EML6: variants seen among roughly 807,000 people sequenced by gnomAD.
EML6 encodes the protein echinoderm microtubule-associated protein-like 6.
In EML6, 154 loss-of-function variants were observed where a neutral mutation model predicts 240.1. The ratio of observed to expected loss-of-function variants is 0.64; its 90% CI spans 0.56 to 0.73. EML6 has a LOEUF of 0.73. EML6 is among the 30% of genes least tolerant of loss of function. The pLI is 0.00. For missense variants in EML6, 2,964 were observed against 2,474.6 expected, an observed-to-expected ratio of 1.20 and a Z score of -4.20; for synonymous variants, 1,148 against 899.0, an observed-to-expected ratio of 1.28 and a Z score of -4.95.
At chr2:54,803,909 C>T (rs1226586410) in intron 2 of EML6, among the ~76,000 whole-genome samples, 1 of 152,190 alleles carries the variant, frequency 6.6e-6, no homozygotes, top group Non-Finnish European at 1.5e-5. Context: ...AGATGTTTGA[C>T]AGAACATTCT....
At position 54,960,351 on chromosome 2, in the gene EML6, C is replaced by G; in HGVS notation, c.4968+17C>G. 1 of 1,534,392 alleles carries G rather than the reference C, an allele frequency of 6.5e-7. No individual in the cohort carries two copies. Among genetic ancestry groups the G allele is most frequent in the Non-Finnish European group, 8.8e-7 (1 of 1,134,778 alleles). ...CGTGGAAAAGTGAGCACAGCCAGCTCCCCTGGGGGCTGGGCCAGGGAAGGG... is the reference window on the plus strand; with the variant it reads ...CGTGGAAAAGTGAGCACAGCCAGCTGCCCTGGGGGCTGGGCCAGGGAAGGG... On this transcript the variant is annotated intron_variant, in intron 35 of 41. Coordinates refer to ENST00000356458, the MANE Select transcript of EML6 (RefSeq NM_001039753.4).
Position 54,954,010 on chromosome 2 carries a change from A to T in EML6, c.4340A>T (p.Asp1447Val). 1.9e-6 allele frequency: 3 copies of T among 1,551,120 alleles called. No homozygotes were observed. The highest frequency in any genetic ancestry group is 2.6e-6 in the Non-Finnish European group (3 of 1,146,732). Residue 1447 changes from aspartate (D) to valine (V), a missense_variant, in exon 32 of 42, where the codon GAC (aspartate) becomes GTC (valine). Coordinates refer to ENST00000356458, the MANE Select transcript of EML6 (RefSeq NM_001039753.4). ...ACAACACCTTCCATCCACATATGGG[A>T]CGCCATGACCAAACACACCCTCTCC... ...IGTTPSIHIWDAMTKHTLSML... is the reference protein window; with the variant it reads ...IGTTPSIHIWVAMTKHTLSML...
At chr2:54,871,738 T>A in intron 16 of EML6, 133 bp downstream of exon 16, 2 of 695,252 alleles carry the variant, frequency 2.9e-6, no homozygotes, top group Non-Finnish European at 5.1e-6. Flanking sequence ...CTGTTTGTAT[T>A]GAAGTACAAG....
At chr2:54,968,528 C>T in intron 40 of EML6, 140 bp from the exon 41 acceptor site, 2 of 676,656 alleles carry the variant, frequency 3.0e-6, no homozygotes, top group South Asian at 1.9e-5. Flanking sequence ...CAAAGGCTGG[C>T]TAATAGATGA....
In EML6 at chr2:54,789,085, C is replaced by T. The variant is rs1669251995; in HGVS notation, c.198-24147C>T. Reference sequence around the variant, plus strand: ...ATCCTTTCTCTTTCATGTGTTCTGTCTCTGCTTAATTCCTTCAGCACTTTG... The same window carrying T: ...ATCCTTTCTCTTTCATGTGTTCTGTTTCTGCTTAATTCCTTCAGCACTTTG... On this transcript the variant is annotated intron_variant, in intron 2 of 41. Coordinates refer to ENST00000356458, the MANE Select transcript of EML6 (RefSeq NM_001039753.4). 2.6e-5 allele frequency among the ~76,000 whole-genome samples: 4 copies of T among 152,140 alleles called. No homozygotes were observed. The South Asian group carries it at 8.3e-4, about 32-fold the overall frequency.
At chr2:54,797,930 C>G (rs1325757412) in intron 2 of EML6, among the ~76,000 whole-genome samples, 1 of 152,032 alleles carries the variant, frequency 6.6e-6, no homozygotes, top group Non-Finnish European at 1.5e-5. Context: ...TGTGAGTCCT[C>G]TAAGTTCATT....
At chr2:54,810,877 G>C (rs1049217318) in intron 2 of EML6, among the ~76,000 whole-genome samples, 1 of 152,052 alleles carries the variant, frequency 6.6e-6, no homozygotes, top group Admixed American at 6.6e-5. Context: ...CAGTCTCCTT[G>C]GTTTCCCCAC....
chr2:54,899,358 T>A (rs988794556), intron 21 of EML6, among the ~76,000 whole-genome samples: 1 of 152,218 alleles, frequency 6.6e-6, no homozygotes, highest in Non-Finnish European at 1.5e-5. Context: ...TGTTTCTAAA[T>A]GGAAAGATGT....
rs1670993702 is a variant in EML6, at chr2:54,866,790, C to T, written c.1957C>T (p.Leu653=). ...RQVYKEDLPQ[L]KQQSKEKNHA... ...GGTTTACAAAGAAGATCTACCTCAG[C>T]TAAAGCAACAAAGTAAAGAGAAAAA... The change falls in exon 14 of 42, where the codon CTA becomes TTA. Residue 653 remains leucine (L), a synonymous_variant. Transcript: ENST00000356458. 6.4e-7 allele frequency: 1 copy of T among 1,550,718 alleles called. No individual in the cohort carries two copies. Among genetic ancestry groups the T allele is most frequent in the Non-Finnish European group, 8.7e-7 (1 of 1,146,162 alleles).
At chr2:54,930,915 T>C (rs534670373) in intron 28 of EML6, among the ~76,000 whole-genome samples, 1 of 150,766 alleles carries the variant, frequency 6.6e-6, no homozygotes, top group Non-Finnish European at 1.5e-5. Context: ...TCAGTAATTT[T>C]AGGGGAGACT....
intron 16 of EML6, among the ~76,000 whole-genome samples, chr2:54,879,141 T>G (rs2103973644): frequency 6.6e-6 from 1 of 152,338 alleles, no homozygotes; most frequent in African/African-American, 2.4e-5. Context: ...GTACCTCAAG[T>G]TAAATGTCAT....
intron 19 of EML6, among the ~76,000 whole-genome samples, chr2:54,894,077 A>T (rs1672627214): frequency 1.3e-5 from 2 of 152,276 alleles, no homozygotes; most frequent in South Asian, 4.1e-4. Flanking sequence ...CTGGGTACAA[A>T]TTCTATATAA....
intron 7 of EML6, among the ~76,000 whole-genome samples, chr2:54,832,602 C>T (rs1041302061): frequency 6.6e-6 from 1 of 152,146 alleles, no homozygotes; most frequent in Non-Finnish European, 1.5e-5. Context: ...CGTAGCTCCC[C>T]CTTCAGCCAG....
At chr2:54,834,609 G>A (rs1481541663) in intron 7 of EML6, among the ~76,000 whole-genome samples, 1 of 152,184 alleles carries the variant, frequency 6.6e-6, no homozygotes, top group Non-Finnish European at 1.5e-5. Context: ...TTAGGTGTGA[G>A]TGGAGGTCGG....
chr2:54,823,229 A>T (rs1668412585), intron 5 of EML6, among the ~76,000 whole-genome samples: 1 of 152,188 alleles, frequency 6.6e-6, no homozygotes, highest in South Asian at 2.1e-4. Flanking sequence ...AGCTGGCTAG[A>T]AGCATGTTGT....
intron 6 of EML6, 65 bp downstream of exon 6, chr2:54,827,816 C>T: frequency 8.8e-7 from 1 of 1,135,900 alleles, no homozygotes. Context: ...CGAATCCCTC[C>T]CTGTATGTTT....
intron 2 of EML6, among the ~76,000 whole-genome samples, chr2:54,786,049 G>A (rs1243507780): frequency 3.3e-5 from 5 of 151,844 alleles, no homozygotes; most frequent in African/African-American, 9.7e-5. Context: ...GAGGTGGAGC[G>A]GCCACCCAGG....
intron 2 of EML6, among the ~76,000 whole-genome samples, chr2:54,801,445 C>T (rs183916668): frequency 1.3e-5 from 2 of 152,280 alleles, no homozygotes; most frequent in African/African-American, 2.4e-5. Context: ...ATGAATTAAC[C>T]ATCTCTGGAG....
chr2:54,923,388 C>T (rs1558689807), intron 26 of EML6, among the ~76,000 whole-genome samples: 1 of 151,824 alleles, frequency 6.6e-6, no homozygotes, highest in East Asian at 1.9e-4. Context: ...CACACACACA[C>T]ACACACACAC....
Sources: allele counts gnomAD v4.1 joint callset (sites outside exome capture counted in the v4.1 genomes callset), GRCh38; gene constraint gnomAD v4.1.1; transcripts MANE v1.5; gene names NCBI Gene and HGNC (gene_info 2026-07-23, HGNC 2026-07-21).